Variants in ACSS3 observed in about 807,000 individuals in gnomAD.
The protein encoded by ACSS3 is acyl-CoA synthetase short-chain family member 3, mitochondrial.
A neutral mutation model predicts 84.2 loss-of-function variants in ACSS3; 64 were observed. That is an observed-to-expected ratio of 0.76 (90% CI 0.62 to 0.94). The LOEUF (loss-of-function observed/expected upper bound fraction) is 0.94. Ranked by LOEUF, ACSS3 falls within the 40% of genes least tolerant of loss-of-function variation. ACSS3 has a pLI of 0.00. For missense variants in ACSS3, 815 were observed against 867.6 expected (o/e 0.94, Z 0.76); for synonymous variants, 317 against 310.1 (o/e 1.02, Z -0.23).
chr12:81,108,329 A>G (rs1883267235), intron 1 of ACSS3, among the ~76,000 whole-genome samples: 1 of 151,284 alleles, frequency 6.6e-6, no homozygotes, highest in Admixed American at 6.6e-5. Context: ...CCCAGGCTGG[A>G]GTGCAGTGGC....
intron 1 of ACSS3, among the ~76,000 whole-genome samples, chr12:81,093,459 G>A (rs1364782396): frequency 6.9e-5 from 9 of 130,806 alleles, no homozygotes; most frequent in African/African-American, 2.0e-4. Flanking sequence ...TGTCCCCACC[G>A]CCACCAAAAA....
At chr12:81,223,187 C>T (rs372795744) in intron 11 of ACSS3, among the ~76,000 whole-genome samples, 1 of 152,108 alleles carries the variant, frequency 6.6e-6, no homozygotes, top group African/African-American at 2.4e-5. Context: ...GATGGACAAA[C>T]GTTTTCCTCT....
At chr12:81,083,729 T>C (rs1246504531) in intron 1 of ACSS3, among the ~76,000 whole-genome samples, 1 of 151,620 alleles carries the variant, frequency 6.6e-6, no homozygotes, top group Non-Finnish European at 1.5e-5. Flanking sequence ...CTCAGCACTT[T>C]GGGAGGCTGA....
intron 11 of ACSS3, among the ~76,000 whole-genome samples, chr12:81,224,532 A>C (rs924732533): frequency 2.7e-5 from 4 of 149,492 alleles, no homozygotes; most frequent in Non-Finnish European, 5.9e-5. Context: ...TTACATATAT[A>C]TATGCATATA....
chr12:81,152,043 T>C lies in ACSS3; in HGVS notation c.1045T>C (p.Ser349Pro). 2 of 1,613,686 alleles carry C rather than the reference T, an allele frequency of 1.2e-6. No individual in the cohort carries two copies. The highest frequency in any genetic ancestry group is 1.7e-6 in the Non-Finnish European group (2 of 1,179,842). ...ASDLGWVVGH[S>P]YICYGPLLHG... ...TGACTTAGGCTGGGTTGTTGGACAT[T>C]CCTATATCTGCTATGGACCTCTTCT... Residue 349 changes from serine (S) to proline (P), a missense_variant, in exon 7 of 16, where the codon TCC (serine) becomes CCC (proline). Coordinates refer to ENST00000548058, the MANE Select transcript of ACSS3 (RefSeq NM_024560.4).
chr12:81,160,236 GT>G (rs1484862620), intron 7 of ACSS3, among the ~76,000 whole-genome samples: 2 of 152,272 alleles, frequency 1.3e-5, no homozygotes, highest in East Asian at 3.9e-4. Flanking sequence ...AGGGATATAA[GT>G]TTGCTCTCAT....
intron 11 of ACSS3, among the ~76,000 whole-genome samples, chr12:81,224,378 C>CT (rs1374194309): frequency 3.3e-5 from 5 of 151,882 alleles, no homozygotes; most frequent in African/African-American, 1.2e-4. Flanking sequence ...TGTAATAATC[C>CT]TTAGCAATAA....
intron 2 of ACSS3, 87 bp from the exon 3 acceptor site, chr12:81,134,729 G>A: frequency 8.1e-7 from 1 of 1,227,740 alleles, no homozygotes; most frequent in East Asian, 2.7e-5. Flanking sequence ...CCAAGCGGGT[G>A]ATCAGCTTCT....
chr12:81,235,159 C>T (rs2400894), intron 13 of ACSS3, among the ~76,000 whole-genome samples: 14,409 of 151,228 alleles, frequency 0.095, 1,120 homozygotes, highest in East Asian at 0.37. Context: ...GTTGTTCCAG[C>T]ATCATTTGTT....
At chr12:81,199,073 GAT>G (rs781266258) in intron 8 of ACSS3, among the ~76,000 whole-genome samples, 77 of 152,270 alleles carry the variant, frequency 5.1e-4, no homozygotes, top group Non-Finnish European at 9.6e-4. Flanking sequence ...CGATTACAGA[GAT>G]CAACTCAATT....
intron 12 of ACSS3, among the ~76,000 whole-genome samples, chr12:81,232,021 C>T (rs779855522): frequency 2.8e-4 from 42 of 151,684 alleles, no homozygotes; most frequent in Non-Finnish European, 5.0e-4. Flanking sequence ...ACCTAATCAA[C>T]GAAATGAAAA....
chr12:81,187,166 A>C (rs12821977), intron 8 of ACSS3, among the ~76,000 whole-genome samples: 3 of 151,806 alleles, frequency 2.0e-5, no homozygotes, highest in Non-Finnish European at 4.4e-5. Context: ...AAAAAAATCA[A>C]AAATACAGAT....
intron 5 of ACSS3, among the ~76,000 whole-genome samples, chr12:81,149,443 T>C (rs1447314083): frequency 6.6e-6 from 1 of 152,176 alleles, no homozygotes; most frequent in Non-Finnish European, 1.5e-5. Context: ...AATGTAACCT[T>C]CGTGTTTTTT....
At chr12:81,199,817 C>T in intron 9 of ACSS3, 7 of 552,490 alleles carry the variant, frequency 1.3e-5, no homozygotes, top group South Asian at 1.2e-4. Flanking sequence ...ATCCTCTGTC[C>T]TGATTTAAAG....
chr12:81,109,965 C>A (rs1883437585), intron 2 of ACSS3, among the ~76,000 whole-genome samples: 1 of 152,156 alleles, frequency 6.6e-6, no homozygotes. Flanking sequence ...ATGTGTCACT[C>A]TTCCTCTGGT....
rs1565724238 is a variant in ACSS3, at chr12:81,213,953, CTCT to C, written c.1355-2947_1355-2945del. Reference sequence around the variant, plus strand: ...CCTTCCTTTCTCTCTCTCTCTCCCTCTCTCTCTTTCTTTCTTTCTTTCTTTCTT... The same window carrying C: ...CCTTCCTTTCTCTCTCTCTCTCCCTCCTCTTTCTTTCTTTCTTTCTTTCTT... On this transcript the variant is annotated intron_variant, in intron 9 of 15. Coordinates refer to ENST00000548058, the MANE Select transcript of ACSS3 (RefSeq NM_024560.4). 8.9e-3 allele frequency among the ~76,000 whole-genome samples: 165 copies of C among 18,600 alleles called. 10 individuals are homozygous for C. The highest frequency in any genetic ancestry group is 0.033 in the Middle Eastern group (1 of 30). 12.2% of individuals were successfully genotyped at this position (18,600 alleles called of 152,430 possible). A position where few individuals can be genotyped will look rare whatever the true frequency, so the allele number is the denominator to read the frequency against.
chr12:81,137,321 TCACACACA>T (rs57701806), intron 3 of ACSS3, among the ~76,000 whole-genome samples: 39,205 of 141,614 alleles, frequency 0.28, 5,220 homozygotes, highest in East Asian at 0.37. Context: ...TTTTCATCCA[TCACACACA>T]CACACACACA....
chr12:81,136,565 A>T (rs751934633), intron 3 of ACSS3, among the ~76,000 whole-genome samples: 3 of 152,104 alleles, frequency 2.0e-5, no homozygotes, highest in Non-Finnish European at 4.4e-5. Context: ...AGATTCAGCT[A>T]GTTGAAGAGA....
intron 2 of ACSS3, among the ~76,000 whole-genome samples, chr12:81,115,744 C>T (rs1883987400): frequency 6.6e-6 from 1 of 152,044 alleles, no homozygotes; most frequent in African/African-American, 2.4e-5. Context: ...ATTTGAAAAC[C>T]TTAACAAAAA....
Sources: allele counts gnomAD v4.1 joint callset (sites outside exome capture counted in the v4.1 genomes callset), GRCh38; gene constraint gnomAD v4.1.1; transcripts MANE v1.5; gene names NCBI Gene and HGNC (gene_info 2026-07-23, HGNC 2026-07-21).